NKAIN3: variants seen among roughly 807,000 people sequenced by gnomAD.
NKAIN3 encodes the protein sodium/potassium-transporting ATPase subunit beta-1-interacting protein 3.
A neutral mutation model predicts 30.2 loss-of-function variants in NKAIN3; 25 were observed. That is an observed-to-expected ratio of 0.83 (90% CI 0.60 to 1.16). The LOEUF (loss-of-function observed/expected upper bound fraction) is 1.16. NKAIN3 is among the 50% of genes most tolerant of loss of function. The pLI is 0.00. For synonymous variants in NKAIN3, 91 were observed against 89.6 expected, an observed-to-expected ratio of 1.02 and a Z score of -0.09; for missense variants, 225 against 254.1, an observed-to-expected ratio of 0.89 and a Z score of 0.78.
chr8:62,388,371 G>A (rs1817489941), intron 1 of NKAIN3, among the ~76,000 whole-genome samples: 1 of 152,204 alleles, frequency 6.6e-6, no homozygotes, highest in African/African-American at 2.4e-5. Flanking sequence ...GCTAATAGTT[G>A]AAGATTATAT....
intron 1 of NKAIN3, among the ~76,000 whole-genome samples, chr8:62,538,427 G>A (rs192616311): frequency 1.8e-3 from 271 of 152,158 alleles, no homozygotes; most frequent in Non-Finnish European, 3.0e-3. Flanking sequence ...CCCCCACCTC[G>A]GCCTCCCAAA....
At chr8:62,397,282 A>G (rs1227152490) in intron 1 of NKAIN3, among the ~76,000 whole-genome samples, 2 of 152,130 alleles carry the variant, frequency 1.3e-5, no homozygotes, top group Non-Finnish European at 2.9e-5. Context: ...AGCACAATGA[A>G]CCAAAACTTC....
intron 1 of NKAIN3, among the ~76,000 whole-genome samples, chr8:62,384,550 A>T (rs972061724): frequency 6.0e-4 from 91 of 152,276 alleles, no homozygotes; most frequent in African/African-American, 1.9e-3. Flanking sequence ...TTTTCAAATT[A>T]TTGCAAATCT....
At chr8:62,849,766 C>T (rs1819823768) in intron 4 of NKAIN3, among the ~76,000 whole-genome samples, 1 of 151,868 alleles carries the variant, frequency 6.6e-6, no homozygotes, top group Non-Finnish European at 1.5e-5. Context: ...CATGCATGTC[C>T]CTACAAAGAA....
chr8:62,412,171 T>G (rs1804258658), intron 1 of NKAIN3, among the ~76,000 whole-genome samples: 1 of 152,166 alleles, frequency 6.6e-6, no homozygotes, highest in South Asian at 2.1e-4. Flanking sequence ...CAAACTATAC[T>G]ATAAAGATAT....
Position 62,290,589 on chromosome 8 carries a change from C to G in NKAIN3, c.54+41462C>G, listed in dbSNP as rs1251950597. On this transcript the variant is annotated intron_variant, in intron 1 of 6. Transcript: ENST00000623646. The stretch of plus-strand genomic sequence containing the variant: ...CCAGCCTTGCATCCCAGGGATGAGA[C>G]CAACTTGCTCATGGTGGATAAGCTT... 5.8e-4 allele frequency among the ~76,000 whole-genome samples: 89 copies of G among 152,260 alleles called. 1 individual carries two copies. The highest frequency in any genetic ancestry group is 5.3e-4 in the Non-Finnish European group (36 of 68,030).
At chr8:62,522,516 A>G (rs1421171805) in intron 1 of NKAIN3, among the ~76,000 whole-genome samples, 1 of 151,984 alleles carries the variant, frequency 6.6e-6, no homozygotes, top group Non-Finnish European at 1.5e-5. Context: ...TTCAGGAGGT[A>G]CCCAGAACAA....
At chr8:62,423,449 C>T (rs1034981048) in intron 1 of NKAIN3, among the ~76,000 whole-genome samples, 24 of 149,550 alleles carry the variant, frequency 1.6e-4, no homozygotes, top group Middle Eastern at 7.1e-3. Flanking sequence ...ATTATTTATA[C>T]ATATATTCAT....
intron 4 of NKAIN3, among the ~76,000 whole-genome samples, chr8:62,827,499 T>C (rs552718083): frequency 1.3e-4 from 20 of 152,324 alleles, no homozygotes; most frequent in African/African-American, 4.6e-4. Context: ...ATACATATAG[T>C]TAACTTGAAA....
At chr8:62,644,683 G>A (rs1812403492) in intron 3 of NKAIN3, among the ~76,000 whole-genome samples, 2 of 152,116 alleles carry the variant, frequency 1.3e-5, no homozygotes, top group African/African-American at 2.4e-5. Flanking sequence ...GCGGCTTATT[G>A]ATTATAAATA....
chr8:62,335,880 C>T (rs1030565799), intron 1 of NKAIN3, among the ~76,000 whole-genome samples: 1 of 152,012 alleles, frequency 6.6e-6, no homozygotes, highest in African/African-American at 2.4e-5. Context: ...TTGGTTCTGA[C>T]ATAGTCCTTT....
chr8:62,917,474 T>A (rs749390557), intron 4 of NKAIN3, among the ~76,000 whole-genome samples: 3 of 152,150 alleles, frequency 2.0e-5, no homozygotes, highest in Admixed American at 6.5e-5. Context: ...TTGGCCTTTG[T>A]CCAGACAGTC....
chr8:62,793,693 T>A (rs1817766212), intron 4 of NKAIN3, among the ~76,000 whole-genome samples: 1 of 152,152 alleles, frequency 6.6e-6, no homozygotes, highest in Admixed American at 6.6e-5. Context: ...GCAGCTCTGC[T>A]TATTTCTCCC....
At chr8:62,576,721 A>T (rs1810120946) in intron 1 of NKAIN3, among the ~76,000 whole-genome samples, 1 of 152,140 alleles carries the variant, frequency 6.6e-6, no homozygotes, top group Non-Finnish European at 1.5e-5. Context: ...TTCACTGACC[A>T]TAGAATGGGG....
intron 1 of NKAIN3, among the ~76,000 whole-genome samples, chr8:62,255,501 G>C (rs896459849): frequency 1.3e-5 from 2 of 152,158 alleles, no homozygotes; most frequent in Admixed American, 1.3e-4. Flanking sequence ...TATGAGATAA[G>C]TTGCTCCTCT....
In NKAIN3 at chr8:62,287,033, C is replaced by T. The variant is rs148960363; in HGVS notation, c.54+37906C>T. ...GGCATGGAAATCCCTGGATTATTCC[C>T]TCATACTACTATCTGCATGGCTCAG... On this transcript the variant is annotated intron_variant, in intron 1 of 6. Coordinates refer to ENST00000623646, the MANE Select transcript of NKAIN3 (RefSeq NM_001304533.3). Among the ~76,000 whole-genome samples, 1,017 of 151,066 alleles carry T rather than the reference C, an allele frequency of 6.7e-3. 8 individuals carry two copies. The highest frequency in any genetic ancestry group is 0.017 in the Admixed American group (258 of 15,192).
In NKAIN3 at chr8:62,855,744, C is replaced by T; in HGVS notation, c.472-62709C>T. On this transcript the variant is annotated intron_variant, in intron 4 of 6. Coordinates refer to ENST00000623646, the MANE Select transcript of NKAIN3 (RefSeq NM_001304533.3). ...ATAGCCTTCATCTTGTCCACCTGCT[C>T]TGGAGTTGCCATGACTTTCAGTAAA... The T allele has an allele frequency of 2.8e-6, 4 of 1,406,530 alleles. No individual in the cohort carries two copies. The Admixed American group carries it at 6.8e-5, about 24-fold the overall frequency. The allele number at this position is 1,406,530 out of a possible 1,614,324, so 87.1% of individuals were successfully genotyped here. A position where few individuals can be genotyped will look rare whatever the true frequency, so the allele number is the denominator to read the frequency against.
intron 1 of NKAIN3, among the ~76,000 whole-genome samples, chr8:62,317,566 G>C (rs980174600): frequency 6.6e-6 from 1 of 152,182 alleles, no homozygotes; most frequent in African/African-American, 2.4e-5. Context: ...TCTCAGGTTT[G>C]TCAAAGATCA....
chr8:62,928,458 C>G (rs1822515799), intron 5 of NKAIN3, among the ~76,000 whole-genome samples: 1 of 152,170 alleles, frequency 6.6e-6, no homozygotes, highest in Non-Finnish European at 1.5e-5. Context: ...TTTCCCAACC[C>G]TTATTCATTT....
Sources: gnomAD v4.1 joint callset for allele counts (sites outside exome capture counted in the v4.1 genomes callset) on GRCh38, gnomAD v4.1.1 for gene constraint, MANE v1.5 for transcripts, NCBI Gene and HGNC (gene_info 2026-07-23, HGNC 2026-07-21) for gene names.